Variants in TENM2 observed in about 807,000 individuals in gnomAD.
TENM2 encodes the protein teneurin-2.
Under a neutral mutation model 245.2 loss-of-function variants are expected in TENM2, and 52 were observed. The observed-to-expected ratio is 0.21, with a 90% CI of 0.17 to 0.27. TENM2 has a LOEUF of 0.27. Ranked by LOEUF, TENM2 falls within the 10% of genes least tolerant of loss-of-function variation. TENM2 has a pLI of 1.00. For synonymous variants in TENM2, 1,363 were observed against 1,438.9 expected (o/e 0.95, Z 1.19); for missense variants, 3,046 against 3,666.8 (o/e 0.83, Z 4.37).
chr5:167,509,048 C>T (rs1319338710), intron 2 of TENM2, among the ~76,000 whole-genome samples: 1 of 152,186 alleles, frequency 6.6e-6, no homozygotes, highest in Admixed American at 6.5e-5. Context: ...AAACTCCCGA[C>T]CTCAGGTGAT....
intron 2 of TENM2, among the ~76,000 whole-genome samples, chr5:167,422,037 G>A (rs1238297870): frequency 6.6e-5 from 10 of 152,086 alleles, no homozygotes; most frequent in Admixed American, 6.6e-4. Flanking sequence ...TGATCCACCT[G>A]CCTCAACCTC....
chr5:167,977,222 G>T (rs1275836826), intron 4 of TENM2, among the ~76,000 whole-genome samples: 1 of 152,088 alleles, frequency 6.6e-6, no homozygotes, highest in Non-Finnish European at 1.5e-5. Flanking sequence ...TTCCTATTGG[G>T]TACAATGCTT....
At chr5:167,568,176 A>T (rs1774030424) in intron 2 of TENM2, among the ~76,000 whole-genome samples, 2 of 152,170 alleles carry the variant, frequency 1.3e-5, no homozygotes, top group Admixed American at 1.3e-4. Context: ...GGGTGCTTAG[A>T]CATGGGAGGA....
At chr5:167,142,686 G>T in the TENM2 span, among the ~76,000 whole-genome samples, 10 of 152,082 alleles carry the variant, frequency 6.6e-5, no homozygotes, top group African/African-American at 2.4e-4. Flanking sequence ...GAGTAGCTGG[G>T]ATTACAGGCA....
the TENM2 span, among the ~76,000 whole-genome samples, chr5:167,097,156 G>A: frequency 6.6e-6 from 1 of 152,072 alleles, no homozygotes; most frequent in South Asian, 2.1e-4. Context: ...GGTGTTTGCC[G>A]GCGCTAGTCT....
intron 1 of TENM2, among the ~76,000 whole-genome samples, chr5:167,319,402 T>C (rs1336158727): frequency 6.6e-6 from 1 of 152,180 alleles, no homozygotes; most frequent in African/African-American, 2.4e-5. Context: ...ACTTAACAAG[T>C]TGTCTCGCAT....
chr5:167,013,426 T>C, the TENM2 span, among the ~76,000 whole-genome samples: 1 of 152,344 alleles, frequency 6.6e-6, no homozygotes, highest in South Asian at 2.1e-4. Flanking sequence ...TTGACAGCCA[T>C]ATTCTGATTC....
At chr5:167,367,265 G>A (rs1032352627) in intron 1 of TENM2, among the ~76,000 whole-genome samples, 4 of 152,084 alleles carry the variant, frequency 2.6e-5, no homozygotes, top group African/African-American at 4.8e-5. Context: ...CACATCAGAA[G>A]ATATTTATAT....
At chr5:167,333,720 T>A (rs1757592762) in intron 1 of TENM2, among the ~76,000 whole-genome samples, 1 of 152,098 alleles carries the variant, frequency 6.6e-6, no homozygotes, top group African/African-American at 2.4e-5. Flanking sequence ...AGGATGGGGA[T>A]CAATCAACAT....
chr5:166,982,640 T>C, the TENM2 span, among the ~76,000 whole-genome samples: 181 of 152,222 alleles, frequency 1.2e-3, 3 homozygotes, highest in East Asian at 0.032. Flanking sequence ...TTCATTACTT[T>C]GTGTAAAGCA....
intron 2 of TENM2, among the ~76,000 whole-genome samples, chr5:167,842,370 C>T (rs550472230): frequency 2.6e-5 from 4 of 152,030 alleles, no homozygotes; most frequent in Non-Finnish European, 5.9e-5. Flanking sequence ...GGTTGGATCA[C>T]CTGAGGTCAG....
intron 2 of TENM2, among the ~76,000 whole-genome samples, chr5:167,817,066 T>C (rs932491347): frequency 6.6e-6 from 1 of 152,346 alleles, no homozygotes; most frequent in East Asian, 1.9e-4. Context: ...ATGTTCCAAC[T>C]GGAGAAATAG....
At chr5:167,017,440 A>T in the TENM2 span, among the ~76,000 whole-genome samples, 1 of 152,194 alleles carries the variant, frequency 6.6e-6, no homozygotes, top group East Asian at 1.9e-4. Flanking sequence ...TGTCCCAAAT[A>T]ACTGCTCAAC....
At chr5:167,604,886 A>G (rs1421032737) in intron 2 of TENM2, among the ~76,000 whole-genome samples, 1 of 152,216 alleles carries the variant, frequency 6.6e-6, no homozygotes. Context: ...ACAGAGATGG[A>G]ATGATTGATT....
intron 2 of TENM2, among the ~76,000 whole-genome samples, chr5:167,808,776 CTTGTCT>C (rs1766418185): frequency 6.6e-6 from 1 of 152,080 alleles, no homozygotes; most frequent in South Asian, 2.1e-4. Flanking sequence ...AAACTTATAA[CTTGTCT>C]TTGTCATTAA....
intron 27 of TENM2, among the ~76,000 whole-genome samples, chr5:168,254,599 T>A (rs1462469279): frequency 1.3e-5 from 2 of 152,002 alleles, no homozygotes; most frequent in Non-Finnish European, 2.9e-5. Flanking sequence ...AACTAGGACA[T>A]AAGGATTGCT....
the TENM2 span, among the ~76,000 whole-genome samples, chr5:167,002,740 T>C: frequency 6.6e-6 from 1 of 151,862 alleles, no homozygotes; most frequent in African/African-American, 2.4e-5. Context: ...GCTCCTCTAC[T>C]CCATCCTAGG....
intron 2 of TENM2, among the ~76,000 whole-genome samples, chr5:167,422,282 A>G (rs1488716805): frequency 1.3e-5 from 2 of 152,198 alleles, no homozygotes; most frequent in Admixed American, 6.5e-5. Context: ...GCAATTTTAC[A>G]ATGTTCAAAA....
At chr5:167,826,446 T>C (rs1312890463) in intron 2 of TENM2, among the ~76,000 whole-genome samples, 1 of 152,182 alleles carries the variant, frequency 6.6e-6, no homozygotes, top group Non-Finnish European at 1.5e-5. Context: ...GACCCCTTGA[T>C]AGACTCTGCA....
Sources: allele counts gnomAD v4.1 joint callset (sites outside exome capture counted in the v4.1 genomes callset), GRCh38; gene constraint gnomAD v4.1.1; transcripts MANE v1.5; gene names NCBI Gene and HGNC (gene_info 2026-07-23, HGNC 2026-07-21).